RMC1: variants seen among roughly 807,000 people sequenced by gnomAD.
RMC1 encodes the protein regulator of MON1-CCZ1.
RMC1 carries 44 observed loss-of-function variants against 95.5 expected under a neutral mutation model. That is an observed-to-expected ratio of 0.46 (90% confidence interval 0.36 to 0.59). RMC1 has a LOEUF of 0.59. Among genes scored for constraint, RMC1 ranks in the 20% least tolerant of loss-of-function variants. RMC1 has a pLI of 0.00. For synonymous variants in RMC1, 320 were observed against 303.6 expected, an observed-to-expected ratio of 1.05 and a Z score of -0.56; for missense variants, 705 against 819.6, an observed-to-expected ratio of 0.86 and a Z score of 1.71.
At chr18:23,521,155 T>C (rs1011237056) in intron 10 of RMC1, among the ~76,000 whole-genome samples, 4 of 152,230 alleles carry the variant, frequency 2.6e-5, no homozygotes, top group Admixed American at 1.3e-4. Flanking sequence ...ATGCCCAGCC[T>C]GTTCTAGTTT....
rs140268783 is a variant in RMC1 at position 23,524,391 on chromosome 18, T to C, written c.1007-38T>C. Reference sequence around the variant, plus strand: ...CGGAAACTGGGTTTGCTTTTTGTTTTCATCTTTTCCTGGTTTAGAATTTCC... The same window carrying C: ...CGGAAACTGGGTTTGCTTTTTGTTTCCATCTTTTCCTGGTTTAGAATTTCC... On this transcript the variant is annotated intron_variant, in intron 11 of 19. Coordinates refer to ENST00000269221, the MANE Select transcript of RMC1 (RefSeq NM_013326.5). The C allele has an allele frequency of 3.2e-3, 5,180 of 1,610,908 alleles. 18 individuals carry two copies. The highest frequency in any genetic ancestry group is 4.0e-3 in the South Asian group (365 of 90,930).
intron 5 of RMC1, among the ~76,000 whole-genome samples, chr18:23,515,616 C>T (rs1281510566): frequency 3.3e-5 from 5 of 152,166 alleles, no homozygotes; most frequent in Non-Finnish European, 7.3e-5. Flanking sequence ...GCAACCTCTG[C>T]CTCCTGGGTT....
rs2058450871 is a variant in RMC1 at position 23,530,269 on chromosome 18, C to T, written c.1640C>T (p.Ala547Val). Residue 547 changes from alanine to valine, a missense_variant, in exon 18 of 20, where the codon GCT becomes GTT. Physicochemically the swap from Ala to Val is moderately conservative, Grantham distance 64 (BLOSUM62 0). Coordinates refer to ENST00000269221, the MANE Select transcript of RMC1 (RefSeq NM_013326.5). The part of the protein sequence containing the change: ...LLSLESFYPP[A>V]HQLSLDMLKR... Reference sequence around the variant, plus strand: ...TCCCTAGAGAGTTTCTATCCTCCTGCTCATCAGCTATCTCTGGACATGCTG... The same window carrying T: ...TCCCTAGAGAGTTTCTATCCTCCTGTTCATCAGCTATCTCTGGACATGCTG... 6.2e-7 allele frequency: 1 copy of T among 1,614,218 alleles called. No individual in the cohort carries two copies. The highest frequency in any genetic ancestry group is 1.1e-5 in the South Asian group (1 of 91,084).
chr18:23,509,205 A>G lies in RMC1; in HGVS notation c.334A>G (p.Asn112Asp). 1 of 1,403,566 alleles carries G rather than the reference A, an allele frequency of 7.1e-7. No homozygotes were observed. The highest frequency in any genetic ancestry group is 9.3e-7 in the Non-Finnish European group (1 of 1,071,902). 86.9% of individuals were successfully genotyped at this position (1,403,566 alleles called of 1,614,324 possible). Residue 112 changes from asparagine (N) to aspartate (D), a missense_variant, in exon 5 of 20, where the codon AAC becomes GAC. Asn to Asp is a conservative substitution (Grantham distance 23, BLOSUM62 1). Coordinates refer to ENST00000269221, the MANE Select transcript of RMC1 (RefSeq NM_013326.5). ...AAATTTTTCTTAGACTAAGAATGCCAACATTCTAGGATTCTGCTGGACTAG... is the reference window on the plus strand; with the variant it reads ...AAATTTTTCTTAGACTAAGAATGCCGACATTCTAGGATTCTGCTGGACTAG... The part of the protein sequence containing the change: ...YTQECKTKNA[N>D]ILGFCWTSST...
chr18:23,507,839 C>T, intron 3 of RMC1, 146 bp from the exon 4 acceptor site: 2 of 562,524 alleles, frequency 3.6e-6, no homozygotes, highest in Middle Eastern at 5.0e-4. Flanking sequence ...GTCTTTTTAT[C>T]TTTCCTGTGT....
intron 5 of RMC1, among the ~76,000 whole-genome samples, chr18:23,512,266 C>G (rs2057881865): frequency 6.6e-6 from 1 of 152,126 alleles, no homozygotes; most frequent in Non-Finnish European, 1.5e-5. Flanking sequence ...AATAATCCAC[C>G]TATCTCGGCC....
intron 11 of RMC1, 53 bp downstream of exon 11, chr18:23,524,227 CAG>C (rs1264390151): frequency 1.3e-5 from 20 of 1,600,002 alleles, no homozygotes; most frequent in South Asian, 2.2e-5. Flanking sequence ...TGGTCACCCT[CAG>C]AGAGTGGTCC....
At chr18:23,523,664 A>C (rs975715544) in intron 10 of RMC1, among the ~76,000 whole-genome samples, 2 of 151,622 alleles carry the variant, frequency 1.3e-5, no homozygotes, top group Admixed American at 6.6e-5. Context: ...TCGTGGTTAT[A>C]GTGGGCTATG....
intron 6 of RMC1, 134 bp from the exon 7 acceptor site, chr18:23,516,186 T>A (rs1598868667): frequency 6.1e-6 from 8 of 1,308,942 alleles, no homozygotes; most frequent in African/African-American, 1.5e-5. Context: ...AGACAGGCTG[T>A]GAGAGGACAT....
At chr18:23,515,445 G>A (rs2057975027) in intron 5 of RMC1, among the ~76,000 whole-genome samples, 1 of 152,224 alleles carries the variant, frequency 6.6e-6, no homozygotes. Context: ...AAGTACAAGT[G>A]AGAATGTTCA....
rs937704587 is a variant in RMC1 at position 23,520,436 on chromosome 18, CTGA to C, written c.961+125_961+127del. 3 of 818,728 alleles carry C rather than the reference CTGA, an allele frequency of 3.7e-6. No homozygotes were observed. In the African/African-American group the frequency reaches 5.2e-5, roughly 14 times the overall value. The allele number at this position is 818,728 out of a possible 1,614,324, so 50.7% of individuals were successfully genotyped here. A position where few individuals can be genotyped will look rare whatever the true frequency, so the allele number is the denominator to read the frequency against. On this transcript the variant is annotated intron_variant, in intron 10 of 19. Transcript: ENST00000269221. ...AATAAACAGAGATTCCCAGATCTGT[CTGA>C]TTTTGCCAGGGGCCATTTGTTCCAG...
chr18:23,505,993 C>T (rs986107704), intron 2 of RMC1, among the ~76,000 whole-genome samples: 4 of 151,820 alleles, frequency 2.6e-5, no homozygotes, highest in African/African-American at 9.7e-5. Flanking sequence ...ATGGTGAAAC[C>T]CTGTCTCTAC....
At chr18:23,504,697 A>G in intron 2 of RMC1, 1 of 365,150 alleles carries the variant, frequency 2.7e-6, no homozygotes, top group Non-Finnish European at 5.1e-6. Flanking sequence ...ACTTCCTAGC[A>G]CTGGAAATTA....
At chr18:23,529,070 G>C (rs993074739) in intron 14 of RMC1, 109 bp from the exon 15 acceptor site, 2 of 1,487,456 alleles carry the variant, frequency 1.3e-6, no homozygotes, top group African/African-American at 2.8e-5. Context: ...AGTGTTTTCC[G>C]CTCATATCCT....
chr18:23,527,904 G>A lies in RMC1; in HGVS notation c.1296+3G>A. On this transcript the variant is annotated splice_donor_region_variant and intron_variant, in intron 14 of 19. Coordinates refer to ENST00000269221, the MANE Select transcript of RMC1 (RefSeq NM_013326.5). Reference sequence around the variant, plus strand: ...ATGCCGAGCAGAGTTATGCGATGGTGAGTTACATGGAGTATGACAAAGGGT... The same window carrying A: ...ATGCCGAGCAGAGTTATGCGATGGTAAGTTACATGGAGTATGACAAAGGGT... 1 of 1,608,340 alleles carries A rather than the reference G, an allele frequency of 6.2e-7. No individual in the cohort carries two copies. The highest frequency in any genetic ancestry group is 8.5e-7 in the Non-Finnish European group (1 of 1,175,530).
chr18:23,529,048 C>CT (rs2145289626), intron 14 of RMC1, 131 bp from the exon 15 acceptor site: 1 of 1,428,580 alleles, frequency 7.0e-7, no homozygotes, highest in South Asian at 1.4e-5. Flanking sequence ...AAAGTTGTAT[C>CT]TAAGTAGAGA....
At position 23,519,065 on chromosome 18, in the gene RMC1, A is replaced by C. The variant is rs1333614797; in HGVS notation, c.744-4A>C. ...TGATCTGTTTTTTGCTTTCTATCCT[A>C]CAGAGAAGGTGCCTGTAAAAAGATG... On this transcript the variant is annotated splice_polypyrimidine_tract_variant and splice_region_variant and intron_variant, in intron 8 of 19. Transcript: ENST00000269221. The C allele has an allele frequency of 1.1e-5, 18 of 1,613,894 alleles. No individual in the cohort carries two copies. The highest frequency in any genetic ancestry group is 1.7e-5 in the Admixed American group (1 of 59,994).
At chr18:23,527,313 T>G (rs1254697323) in intron 13 of RMC1, among the ~76,000 whole-genome samples, 1 of 151,582 alleles carries the variant, frequency 6.6e-6, no homozygotes, top group Non-Finnish European at 1.5e-5. Flanking sequence ...GAGGGAGGAT[T>G]CCTTGAGCCC....
At chr18:23,519,213 T>G in intron 9 of RMC1, 39 bp downstream of exon 9, 1 of 1,577,178 alleles carries the variant, frequency 6.3e-7, no homozygotes, top group Non-Finnish European at 8.7e-7. Flanking sequence ...TTAAGGTTGC[T>G]TAAAAGCCTT....
Sources: gnomAD v4.1 joint callset for allele counts (sites outside exome capture counted in the v4.1 genomes callset) on GRCh38, gnomAD v4.1.1 for gene constraint, MANE v1.5 for transcripts, NCBI Gene and HGNC (gene_info 2026-07-23, HGNC 2026-07-21) for gene names.